The following COL2A1 variants were observed in gnomAD, a reference collection of about 807,000 sequenced individuals.
The protein encoded by COL2A1 is collagen alpha-1(II) chain.
In COL2A1, 28 loss-of-function variants were observed where a neutral mutation model predicts 204.5. The ratio of observed to expected loss-of-function variants is 0.14; its 90% CI spans 0.10 to 0.19. The LOEUF is 0.19. COL2A1 is among the 10% of genes least tolerant of loss of function. The pLI, the probability that COL2A1 is intolerant of heterozygous loss-of-function variation, is 1.00. For synonymous variants in COL2A1, 708 were observed against 718.7 expected, an observed-to-expected ratio of 0.99 and a Z score of 0.24; for missense variants, 1,388 against 2,027.5, an observed-to-expected ratio of 0.68 and a Z score of 6.06.
chr12:47,984,940 C>T (rs1288898906), intron 27 of COL2A1, 55 bp downstream of exon 27: 25 of 1,441,506 alleles, frequency 1.7e-5, no homozygotes, highest in Non-Finnish European at 2.3e-5. Context: ...CCCAAGAGGG[C>T]AGGGAGGTAG....
rs2136505218 is a variant in COL2A1 at position 47,974,160 on chromosome 12, A to G, written c.4246T>C (p.Ser1416Pro). Reference sequence around the variant, plus strand: ...TCTGCCCGGATCTCCACGTCATTGGAGCCCTGGATGAGCAGGGCCTTCTTG... The same window carrying G: ...TCTGCCCGGATCTCCACGTCATTGGGGCCCTGGATGAGCAGGGCCTTCTTG... Reference protein sequence around the residue: ...NLKKALLIQGSNDVEIRAEGN... With the variant: ...NLKKALLIQGPNDVEIRAEGN... The change falls in exon 53 of 54, where the codon TCC becomes CCC. Residue 1416 changes from serine (S) to proline (P), a missense_variant. Ser to Pro is a moderately conservative substitution (Grantham distance 74). Around this residue, in one of 3 missense-constraint regions of COL2A1, gnomAD observed 303 missense variants for 369.2 expected, o/e 0.82. Coordinates refer to ENST00000380518, the MANE Select transcript of COL2A1 (RefSeq NM_001844.5). The G allele has an allele frequency of 1.2e-6, 2 of 1,614,130 alleles. No individual in the cohort carries two copies. Among genetic ancestry groups the G allele is most frequent in the Non-Finnish European group, 1.7e-6 (2 of 1,180,022 alleles).
At chr12:47,979,412 AGG>A in intron 41 of COL2A1, 97 bp downstream of exon 41, 1 of 1,221,066 alleles carries the variant, frequency 8.2e-7, no homozygotes, top group South Asian at 1.2e-5. Context: ...ACGGACTCAG[AGG>A]AGTGAAGGCC....
In COL2A1 at chr12:47,978,295, G is replaced by C. The variant is rs149321146; in HGVS notation, c.2999C>G (p.Pro1000Arg). 6 of 1,613,770 alleles carry C rather than the reference G, an allele frequency of 3.7e-6. No homozygotes were observed. Among genetic ancestry groups the C allele is most frequent in the Non-Finnish European group, 5.1e-6 (6 of 1,179,972 alleles). The part of the protein sequence containing the change: ...GERGFPGLPG[P>R]SGEPGKQGAP... ...GGAGGGATACCCCACACTCACCGAC[G>C]GGCCAGGCAAGCCAGGGAATCCTCT... The change falls in exon 43 of 54, where the codon CCG (proline) becomes CGG (arginine). Residue 1000 changes from proline (P) to arginine (R), a missense_variant. Coordinates refer to ENST00000380518, the MANE Select transcript of COL2A1 (RefSeq NM_001844.5). The surrounding 1 kb of genome is among the most constrained non-coding windows in gnomAD (Gnocchi z 5.5).
chr12:47,984,476 G>A (rs1939273720), intron 28 of COL2A1, 70 bp downstream of exon 28: 1 of 1,508,894 alleles, frequency 6.6e-7, no homozygotes, highest in South Asian at 1.1e-5. Flanking sequence ...CCATGGGGAG[G>A]CCGTTCCCCT....
chr12:47,988,568 C>T (rs1032744712), intron 18 of COL2A1: 3 of 158,888 alleles, frequency 1.9e-5, no homozygotes, highest in African/African-American at 4.8e-5. Context: ...GCTCCGGGAC[C>T]TCAGACACTG....
intron 29 of COL2A1, 98 bp from the exon 30 acceptor site, chr12:47,983,834 C>G: frequency 7.8e-7 from 1 of 1,286,070 alleles, no homozygotes; most frequent in South Asian, 1.3e-5. Context: ...GTGGGCAGCA[C>G]AGGCGTCTTC....
intron 9 of COL2A1, 23 bp from the exon 10 acceptor site, chr12:47,995,786 C>T: frequency 6.2e-7 from 1 of 1,613,636 alleles, no homozygotes; most frequent in Non-Finnish European, 8.5e-7. Flanking sequence ...ATGAGGATAC[C>T]AGGTCAATCC....
intron 36 of COL2A1, 71 bp downstream of exon 36, chr12:47,981,705 C>T (rs1446518720): frequency 4.0e-6 from 6 of 1,489,436 alleles, no homozygotes; most frequent in African/African-American, 2.8e-5. Context: ...GACAGAACCG[C>T]CTTTGGCAGG....
At chr12:47,995,617 TG>T in intron 10 of COL2A1, 92 bp downstream of exon 10, 1 of 1,281,830 alleles carries the variant, frequency 7.8e-7, no homozygotes, top group Non-Finnish European at 1.1e-6. Flanking sequence ...GGGAAAGAGC[TG>T]GGCAGAGCCT....
intron 22 of COL2A1, among the ~76,000 whole-genome samples, 191 bp downstream of exon 22, chr12:47,986,644 A>G (rs1157353526): frequency 1.3e-5 from 2 of 152,238 alleles, no homozygotes; most frequent in African/African-American, 4.8e-5. Flanking sequence ...CACACTAGCC[A>G]AACCAAGGAT....
Position 47,987,467 on chromosome 12 carries a change from A to G in COL2A1, c.1221+144T>C. 1.9e-6 allele frequency: 2 copies of G among 1,045,200 alleles called. No homozygotes were observed. Among genetic ancestry groups the G allele is most frequent in the Non-Finnish European group, 2.9e-6 (2 of 687,192 alleles). The allele number at this position is 1,045,200 out of a possible 1,614,324, so 64.7% of individuals were successfully genotyped here. ...CAAGGGGAAGATGGGATAGAAGGGAATACATCTAGAGGTGGGGACAGGCAT... is the reference window on the plus strand; with the variant it reads ...CAAGGGGAAGATGGGATAGAAGGGAGTACATCTAGAGGTGGGGACAGGCAT... On this transcript the variant is annotated intron_variant, in intron 19 of 53. Transcript: ENST00000380518. The surrounding 1 kb of genome is among the most constrained non-coding windows in gnomAD (Gnocchi z 4.1).
rs1253973688 is a variant in COL2A1 at position 47,987,452 on chromosome 12, A to G, written c.1222-139T>C. 1.6e-5 allele frequency: 18 copies of G among 1,093,562 alleles called. No individual in the cohort carries two copies. Among genetic ancestry groups the G allele is most frequent in the Non-Finnish European group, 2.3e-5 (17 of 729,086 alleles). The allele number at this position is 1,093,562 out of a possible 1,614,324, so 67.7% of individuals were successfully genotyped here. On this transcript the variant is annotated intron_variant, in intron 19 of 53. Transcript: ENST00000380518. The surrounding 1 kb of genome is among the most constrained non-coding windows in gnomAD (Gnocchi z 4.1). ...TCCCACTATGTGTTTCAAGGGGAAG[A>G]TGGGATAGAAGGGAATACATCTAGA...
intron 16 of COL2A1, among the ~76,000 whole-genome samples, chr12:47,991,392 A>C (rs796901368): frequency 6.6e-6 from 1 of 152,170 alleles, no homozygotes; most frequent in Non-Finnish European, 1.5e-5. Flanking sequence ...CAGCCTTGAC[A>C]CTAGATCAGC....
intron 37 of COL2A1, 52 bp from the exon 38 acceptor site, chr12:47,981,020 T>C (rs1428967577): frequency 1.3e-6 from 2 of 1,522,318 alleles, no homozygotes; most frequent in Non-Finnish European, 1.8e-6. Flanking sequence ...CCTGACCTGC[T>C]TCTGCTCCCC....
Position 47,979,557 on chromosome 12 carries a change from G to A in COL2A1, c.2687C>T (p.Thr896Ile). The stretch of plus-strand genomic sequence containing the variant: ...GCGGCCAGCAGCTCCAGGGAATCCA[G>A]TGGCTCCCTGTGTGGGGAGAGGAGA... ...ARGAQGPPGA[T>I]GFPGAAGRVG... The change falls in exon 41 of 54, where the codon ACT (threonine) becomes ATT (isoleucine). Residue 896 changes from threonine to isoleucine, a missense_variant. Physicochemically the swap from Thr to Ile is moderately conservative, Grantham distance 89 (BLOSUM62 -1). Around this residue, in one of 3 missense-constraint regions of COL2A1, gnomAD observed 884 missense variants for 1,415.8 expected, o/e 0.62. Coordinates refer to ENST00000380518, the MANE Select transcript of COL2A1 (RefSeq NM_001844.5). 1.9e-6 allele frequency: 3 copies of A among 1,613,148 alleles called. No individual in the cohort carries two copies. The highest frequency in any genetic ancestry group is 2.5e-6 in the Non-Finnish European group (3 of 1,179,786).
chr12:47,985,889 C>A, intron 24 of COL2A1, 23 bp downstream of exon 24: 1 of 1,560,012 alleles, frequency 6.4e-7, no homozygotes, highest in Non-Finnish European at 8.7e-7. Flanking sequence ...GGGAGGGACC[C>A]CAGCCCCTCT....
At chr12:47,996,474 T>C in intron 8 of COL2A1, 74 bp downstream of exon 8, 1 of 1,179,282 alleles carries the variant, frequency 8.5e-7, no homozygotes, top group East Asian at 2.3e-5. Flanking sequence ...AAAGCAGAGG[T>C]TGTCAGACTC....
rs1260020926 is a variant in COL2A1 at position 47,976,294 on chromosome 12, C to G, written c.3489+220G>C. Among the ~76,000 whole-genome samples, 2 of 152,190 alleles carry G rather than the reference C, an allele frequency of 1.3e-5. No homozygotes were observed. The highest frequency in any genetic ancestry group is 3.8e-4 in the East Asian group (2 of 5,196). On this transcript the variant is annotated intron_variant, in intron 49 of 53. Transcript: ENST00000380518. This position sits in a 1 kb window ranked among gnomAD's most constrained non-coding sequence, Gnocchi z 4.3. ...AAGCTCCTCTTTGTAAAATGCTGTT[C>G]TGTCTGACAGCGAGAGGCTGATTCA... is the stretch of plus-strand genomic sequence containing the variant.
rs1291608734 is a variant in COL2A1 at position 47,978,262 on chromosome 12, G to A, written c.3003+29C>T. On this transcript the variant is annotated intron_variant, in intron 43 of 53. Transcript: ENST00000380518. This position sits in a 1 kb window ranked among gnomAD's most constrained non-coding sequence, Gnocchi z 5.5. Reference sequence around the variant, plus strand: ...AGCCTTGGCAGGCAGGGCCCAGCTTGGATGGAGGGAGGGATACCCCACACT... The same window carrying A: ...AGCCTTGGCAGGCAGGGCCCAGCTTAGATGGAGGGAGGGATACCCCACACT... 2.5e-6 allele frequency: 4 copies of A among 1,610,696 alleles called. No individual in the cohort carries two copies. The highest frequency in any genetic ancestry group is 2.5e-6 in the Non-Finnish European group (3 of 1,177,480).
Sources: gnomAD v4.1 joint callset for allele counts (sites outside exome capture counted in the v4.1 genomes callset) on GRCh38, gnomAD v4.1.1 for gene constraint, gnomAD v4.1.1 regional missense constraint, Gnocchi (gnomAD v3.1) non-coding constraint, MANE v1.5 for transcripts, NCBI Gene and HGNC (gene_info 2026-07-23, HGNC 2026-07-21) for gene names.